The following TACC3 variants were observed in gnomAD, a reference collection of about 807,000 sequenced individuals.
The protein encoded by TACC3 is transforming acidic coiled-coil containing protein 3.
Under a neutral mutation model 86.0 loss-of-function variants are expected in TACC3, and 52 were observed. The ratio of observed to expected loss-of-function variants is 0.60; its 90% CI spans 0.48 to 0.76. TACC3 has a LOEUF of 0.76. Among genes scored for constraint, TACC3 ranks in the 30% least tolerant of loss-of-function variants. The probability of loss-of-function intolerance (pLI) is 0.00; values close to 1 mark genes in which losing one functional copy is unlikely to be tolerated. For synonymous variants in TACC3, 512 were observed against 430.0 expected (o/e 1.19, Z -2.36); for missense variants, 1,120 against 1,070.4 (o/e 1.05, Z -0.65).
intron 1 of TACC3, chr4:1,723,130 T>G (rs1577204394): frequency 2.4e-6 from 1 of 422,506 alleles, no homozygotes; most frequent in Non-Finnish European, 4.3e-6. Flanking sequence ...CAGGCTTGGG[T>G]TTTCTTTCTC....
At chr4:1,728,834 T>C (rs1265061619) in intron 4 of TACC3, 47 bp downstream of exon 4, 1 of 1,532,626 alleles carries the variant, frequency 6.5e-7, no homozygotes, top group Non-Finnish European at 8.8e-7. Flanking sequence ...GCAGCTGCCC[T>C]GCAGTGTATG....
At chr4:1,720,846 C>T (rs1225111135), upstream of TACC3, 4 of 1,566,700 alleles carry the variant, frequency 2.6e-6, no homozygotes, top group East Asian at 2.4e-5. The surrounding 1 kb of genome is among the most constrained non-coding windows in gnomAD (Gnocchi z 4.4). Flanking sequence ...ATCGCGCAGC[C>T]GCCGGGAAGC....
intron 15 of TACC3, 56 bp downstream of exon 15, chr4:1,744,888 C>T (rs1342733896): frequency 3.1e-6 from 5 of 1,611,960 alleles, no homozygotes; most frequent in Non-Finnish European, 3.4e-6. Context: ...CTAGAAGGCC[C>T]TTGGGCCTGC....
At chr4:1,726,039 G>A (rs1438825432) in intron 3 of TACC3, among the ~76,000 whole-genome samples, 1 of 152,240 alleles carries the variant, frequency 6.6e-6, no homozygotes, top group Admixed American at 6.5e-5. Context: ...ACATGACCCT[G>A]CGTCTTCTCA....
intron 8 of TACC3, among the ~76,000 whole-genome samples, chr4:1,736,774 G>C (rs1466644747): frequency 6.6e-6 from 1 of 152,118 alleles, no homozygotes; most frequent in Non-Finnish European, 1.5e-5. Flanking sequence ...GCCGGGTGAG[G>C]CGGCAGGCGC....
At chr4:1,742,401 C>T (rs1042380997) in intron 13 of TACC3, among the ~76,000 whole-genome samples, 1 of 152,252 alleles carries the variant, frequency 6.6e-6, no homozygotes, top group Non-Finnish European at 1.5e-5. Context: ...GCCTGTGCCT[C>T]AGCTCCCACT....
chr4:1,727,991 C>CTT lies in TACC3; in HGVS notation c.589_590insTT (p.Pro197LeufsTer7). The stretch of plus-strand genomic sequence containing the variant: ...CTATTCCTTAGACAGAAGAGTGACA[C>CTT]CCGCCTCTGAGACCCTAGAAGACCC... On this transcript the variant is annotated frameshift_variant, in exon 4 of 16. Transcript: ENST00000313288. LOFTEE classifies it high-confidence loss of function. 1 of 1,613,348 alleles carries CTT rather than the reference C, an allele frequency of 6.2e-7. No individual in the cohort carries two copies. Among genetic ancestry groups the CTT allele is most frequent in the Admixed American group, 1.7e-5 (1 of 60,036 alleles).
rs139950972 is a variant in TACC3, at chr4:1,744,718, C to G, written c.2337C>G (p.Asn779Lys). 8.1e-6 allele frequency: 13 copies of G among 1,612,450 alleles called. No homozygotes were observed. The highest frequency in any genetic ancestry group is 1.1e-5 in the Non-Finnish European group (13 of 1,179,956). Residue 779 changes from asparagine (N) to lysine (K), a missense_variant, in exon 15 of 16, where the codon AAC becomes AAG. Transcript: ENST00000313288. ...CCCGCCCCTACCCCTCCAGGGCAAA[C>G]GAGGAGATCGCCCAGGTCCGGAGCA... ...AHAEEKLQLA[N>K]EEIAQVRSKA...
upstream of TACC3, chr4:1,720,975 G>A: frequency 2.7e-6 from 1 of 369,330 alleles, no homozygotes; most frequent in Non-Finnish European, 4.9e-6. This position sits in a 1 kb window ranked among gnomAD's most constrained non-coding sequence, Gnocchi z 4.4. Context: ...ATGGAGTCCC[G>A]CCGCCCGGCC....
upstream of TACC3, chr4:1,721,224 GC>G (rs1717323483): frequency 6.1e-6 from 1 of 165,202 alleles, no homozygotes. Context: ...GGAAACTTAG[GC>G]CTGAGCGAGG....
rs1328128471 is a variant in TACC3 at position 1,735,416 on chromosome 4, C to T, written c.1644+91C>T. The T allele has an allele frequency of 1.4e-6, 2 of 1,436,460 alleles. No individual in the cohort carries two copies. Among genetic ancestry groups the T allele is most frequent in the East Asian group, 2.3e-5 (1 of 43,900 alleles). 89.0% of individuals were successfully genotyped at this position (1,436,460 alleles called of 1,614,324 possible). A position where few individuals can be genotyped will look rare whatever the true frequency, so the allele number is the denominator to read the frequency against. ...TGCCCCCGGAGCGTCCCTTGGTGCC[C>T]ACGTCCCCCCAGCTGCACACAGGCC... On this transcript the variant is annotated intron_variant, in intron 7 of 15. Coordinates refer to ENST00000313288, the MANE Select transcript of TACC3 (RefSeq NM_006342.3). This position sits in a 1 kb window ranked among gnomAD's most constrained non-coding sequence, Gnocchi z 4.2.
At chr4:1,723,606 G>A (rs1325863778) in intron 2 of TACC3, 23 bp downstream of exon 2, 6 of 1,609,968 alleles carry the variant, frequency 3.7e-6, no homozygotes, top group Non-Finnish European at 4.2e-6. Flanking sequence ...TGTACAGTGT[G>A]TGGCTGGCCA....
chr4:1,735,839 G>A lies in TACC3; in HGVS notation c.1748+5G>A. 6.3e-7 allele frequency: 1 copy of A among 1,581,528 alleles called. No homozygotes were observed. The highest frequency in any genetic ancestry group is 1.1e-5 in the South Asian group (1 of 89,366). ...CGTGGCCACCGAGACCAGCAGGTAT[G>A]TGCGCCGGCCCTCCCTCATGCATGA... On this transcript the variant is annotated splice_donor_5th_base_variant and intron_variant, in intron 8 of 15. Coordinates refer to ENST00000313288, the MANE Select transcript of TACC3 (RefSeq NM_006342.3). This position sits in a 1 kb window ranked among gnomAD's most constrained non-coding sequence, Gnocchi z 4.2.
intron 3 of TACC3, among the ~76,000 whole-genome samples, chr4:1,726,082 T>C (rs1717673319): frequency 6.6e-6 from 1 of 152,100 alleles, no homozygotes; most frequent in Non-Finnish European, 1.5e-5. Context: ...GGTGAAACAG[T>C]GTTTGTGCCC....
In TACC3 at chr4:1,739,898, A is replaced by C. The variant is rs1577223884; in HGVS notation, c.2019-61A>C. On this transcript the variant is annotated intron_variant, in intron 11 of 15. Transcript: ENST00000313288. ...CATCCCTGTCCCCGTCCCCATCCCC[A>C]CCTGGCCTGGGACCGCTGGGCACCC... The C allele has an allele frequency of 4.6e-6, 7 of 1,509,400 alleles. No individual in the cohort carries two copies. The East Asian group carries it at 1.9e-4, about 42-fold the overall frequency. 93.5% of individuals were successfully genotyped at this position (1,509,400 alleles called of 1,614,324 possible).
Position 1,728,598 on chromosome 4 carries a change from C to G in TACC3, c.1196C>G (p.Ser399Cys). The change falls in exon 4 of 16, where the codon TCT (serine) becomes TGT (cysteine). Residue 399 changes from serine (S) to cysteine (C), a missense_variant. Transcript: ENST00000313288. The stretch of plus-strand genomic sequence containing the variant: ...GGAGAGGACCCCCCCATGCCAGCTT[C>G]TCGGGGCTCTTACCACCTCGACTGG... Reference protein sequence around the residue: ...GAGEDPPMPASRGSYHLDWDK... With the variant: ...GAGEDPPMPACRGSYHLDWDK... The G allele has an allele frequency of 6.2e-7, 1 of 1,613,970 alleles. No individual in the cohort carries two copies. Among genetic ancestry groups the G allele is most frequent in the Non-Finnish European group, 8.5e-7 (1 of 1,179,994 alleles).
At chr4:1,732,843 A>G (rs1718070669) in intron 6 of TACC3, among the ~76,000 whole-genome samples, 1 of 152,258 alleles carries the variant, frequency 6.6e-6, no homozygotes, top group South Asian at 2.1e-4. Context: ...TTATCCATTC[A>G]TTCATGGATT....
At chr4:1,729,743 G>A (rs1283033440) in intron 4 of TACC3, among the ~76,000 whole-genome samples, 1 of 152,192 alleles carries the variant, frequency 6.6e-6, no homozygotes, top group Non-Finnish European at 1.5e-5. Context: ...CTGCGGGCGG[G>A]CCTGACTGAT....
At chr4:1,742,830 T>C (rs1244318466) in intron 13 of TACC3, among the ~76,000 whole-genome samples, 1 of 147,314 alleles carries the variant, frequency 6.8e-6, no homozygotes, top group Non-Finnish European at 1.5e-5. Flanking sequence ...TAGTTAGGCA[T>C]GGTGGTGTGC....
Sources: allele counts gnomAD v4.1 joint callset (sites outside exome capture counted in the v4.1 genomes callset), GRCh38; gene constraint gnomAD v4.1.1; non-coding constraint Gnocchi (gnomAD v3.1); transcripts MANE v1.5; gene names NCBI Gene and HGNC (gene_info 2026-07-23, HGNC 2026-07-21).